Variants in AXIN2 observed in about 807,000 individuals in gnomAD.
AXIN2 encodes the protein axin 2.
In AXIN2, 21 loss-of-function variants were observed where a neutral mutation model predicts 74.7. The ratio of observed to expected loss-of-function variants is 0.28; its 90% CI spans 0.20 to 0.40. The LOEUF is 0.40. AXIN2 is among the 10% of genes least tolerant of loss of function. AXIN2 has a pLI of 1.00. For synonymous variants in AXIN2, 532 were observed against 454.9 expected (o/e 1.17, Z -2.16); for missense variants, 1,144 against 1,111.1 (o/e 1.03, Z -0.42).
chr17:65,534,851 AC>A (rs1286051721), intron 9 of AXIN2, among the ~76,000 whole-genome samples: 1 of 152,138 alleles, frequency 6.6e-6, no homozygotes, highest in Non-Finnish European at 1.5e-5. Flanking sequence ...AACTGCCTGA[AC>A]CCAGGAGGCG....
chr17:65,543,513 TA>T (rs1345810580), intron 3 of AXIN2, among the ~76,000 whole-genome samples: 1 of 152,192 alleles, frequency 6.6e-6, no homozygotes, highest in African/African-American at 2.4e-5. Context: ...ACATTGGACC[TA>T]TAATCAGACT....
Position 65,542,467 on chromosome 17 carries a change from A to G in AXIN2, c.957-910T>C, listed in dbSNP as rs1287676592. Among the ~76,000 whole-genome samples the G allele has an allele frequency of 2.0e-5, 3 of 152,258 alleles. No individual in the cohort carries two copies. In the East Asian group the frequency reaches 5.8e-4, roughly 29 times the overall value. Reference sequence around the variant, plus strand: ...ATAAATACACAGCAGGAAAAGGAGAATCACTGGTGAGTGGGTAAGCTGCAA... The same window carrying G: ...ATAAATACACAGCAGGAAAAGGAGAGTCACTGGTGAGTGGGTAAGCTGCAA... On this transcript the variant is annotated intron_variant, in intron 3 of 10. Coordinates refer to ENST00000307078, the MANE Select transcript of AXIN2 (RefSeq NM_004655.4).
Position 65,558,702 on chromosome 17 carries a change from TCTC to T in AXIN2, c.-85_-83del, listed in dbSNP as rs1449052543. ...GCAATCGGCGTGGTCTCTCTGTCTC[TCTC>T]AAGTCAGCAGGGGCTCATCTGAACC... is the stretch of plus-strand genomic sequence containing the variant. On this transcript the variant is annotated 5_prime_UTR_variant, in exon 2 of 11. Coordinates refer to ENST00000307078, the MANE Select transcript of AXIN2 (RefSeq NM_004655.4). The T allele has an allele frequency of 7.1e-7, 1 of 1,417,128 alleles. No homozygotes were observed. Among genetic ancestry groups the T allele is most frequent in the East Asian group, 2.5e-5 (1 of 40,814 alleles). 87.8% of individuals were successfully genotyped at this position (1,417,128 alleles called of 1,614,324 possible).
chr17:65,544,046 G>C (rs1428572312), intron 3 of AXIN2, among the ~76,000 whole-genome samples: 4 of 152,052 alleles, frequency 2.6e-5, no homozygotes, highest in Non-Finnish European at 5.9e-5. Context: ...GGATGACTCT[G>C]CTTCAGCCCT....
chr17:65,559,375 A>G (rs1298551312), intron 1 of AXIN2: 1 of 147,398 alleles, frequency 6.8e-6, no homozygotes, highest in African/African-American at 2.5e-5. Flanking sequence ...GGGCTCCCGG[A>G]CTCCCAGATT....
chr17:65,554,492 T>C (rs970193688), intron 2 of AXIN2, among the ~76,000 whole-genome samples: 6 of 152,180 alleles, frequency 3.9e-5, no homozygotes, highest in Non-Finnish European at 8.8e-5. Context: ...CAGGCAAACT[T>C]TTACAAGTGG....
In AXIN2 at chr17:65,529,950, A is replaced by G; in HGVS notation, c.*26T>C. The G allele has an allele frequency of 4.3e-6, 7 of 1,614,112 alleles. No homozygotes were observed. Among genetic ancestry groups the G allele is most frequent in the East Asian group, 2.2e-5 (1 of 44,878 alleles). ...GTTCACAAGAGCTTCGGGCTCCAAC[A>G]GTTCACCAAAGCCAGACCCCAGGGC... is the stretch of plus-strand genomic sequence containing the variant. On this transcript the variant is annotated 3_prime_UTR_variant, in exon 11 of 11. Coordinates refer to ENST00000307078, the MANE Select transcript of AXIN2 (RefSeq NM_004655.4).
At chr17:65,532,406 GTCTTT>G (rs1448086639) in intron 10 of AXIN2, among the ~76,000 whole-genome samples, 1 of 152,164 alleles carries the variant, frequency 6.6e-6, no homozygotes, top group African/African-American at 2.4e-5. Context: ...TTCACCTTGT[GTCTTT>G]TCAAGATAAA....
chr17:65,535,476 T>C (rs562536046), intron 9 of AXIN2, 150 bp downstream of exon 9: 151 of 776,938 alleles, frequency 1.9e-4, no homozygotes, highest in East Asian at 2.7e-5. Flanking sequence ...GATGGCAACA[T>C]CTACGTTTAC....
intron 2 of AXIN2, 130 bp downstream of exon 2, chr17:65,557,676 G>C: frequency 3.3e-6 from 3 of 907,470 alleles, no homozygotes; most frequent in Non-Finnish European, 5.1e-6. Context: ...GATCAAAAAG[G>C]GTTCATGGCC....
chr17:65,556,608 T>G (rs1350166074), intron 2 of AXIN2, among the ~76,000 whole-genome samples: 1 of 152,048 alleles, frequency 6.6e-6, no homozygotes, highest in African/African-American at 2.4e-5. Flanking sequence ...CTTCCTCTCC[T>G]CGCCAACAGT....
In AXIN2 at chr17:65,537,145, C is replaced by A; in HGVS notation, c.1713-82G>T. The A allele has an allele frequency of 1.9e-6, 3 of 1,562,006 alleles. No homozygotes were observed. The South Asian group carries it at 3.4e-5, about 18-fold the overall frequency. ...CCTAGAATCAGACAATTCAGCAAGT[C>A]GGGGGGCTGGTGACACGAAAGACCC... is the stretch of plus-strand genomic sequence containing the variant. On this transcript the variant is annotated intron_variant, in intron 6 of 10. Transcript: ENST00000307078.
At chr17:65,550,185 T>C (rs35725043) in intron 2 of AXIN2, among the ~76,000 whole-genome samples, 25,760 of 152,120 alleles carry the variant, frequency 0.17, 2,378 homozygotes, top group Middle Eastern at 0.26. Context: ...CCTTCTCACT[T>C]TGACCCTGGG....
intron 3 of AXIN2, among the ~76,000 whole-genome samples, chr17:65,544,195 C>A (rs1050118872): frequency 6.6e-5 from 10 of 152,094 alleles, no homozygotes; most frequent in Admixed American, 4.6e-4. Flanking sequence ...TGGTAGCTTT[C>A]ACTCTTCCTT....
chr17:65,559,209 G>T (rs1057029933), intron 1 of AXIN2, among the ~76,000 whole-genome samples: 1 of 151,834 alleles, frequency 6.6e-6, no homozygotes, highest in African/African-American at 2.4e-5. Context: ...TTCCCCACTC[G>T]GCCCTGCACA....
chr17:65,529,939 C>T lies in AXIN2; in HGVS notation c.*37G>A, dbSNP rs371426985. 9 of 1,613,804 alleles carry T rather than the reference C, an allele frequency of 5.6e-6. No homozygotes were observed. Among genetic ancestry groups the T allele is most frequent in the East Asian group, 2.2e-5 (1 of 44,874 alleles). On this transcript the variant is annotated 3_prime_UTR_variant, in exon 11 of 11. Transcript: ENST00000307078. ...CAGCCAAGACAGTTCACAAGAGCTTCGGGCTCCAACAGTTCACCAAAGCCA... is the reference window on the plus strand; with the variant it reads ...CAGCCAAGACAGTTCACAAGAGCTTTGGGCTCCAACAGTTCACCAAAGCCA...
At chr17:65,551,259 G>A (rs948646313) in intron 2 of AXIN2, among the ~76,000 whole-genome samples, 5 of 151,352 alleles carry the variant, frequency 3.3e-5, no homozygotes, top group African/African-American at 9.7e-5. Flanking sequence ...TGGGACTCAT[G>A]GTTGAGCAGG....
chr17:65,533,492 G>A (rs1279260498), intron 10 of AXIN2, among the ~76,000 whole-genome samples: 2 of 152,160 alleles, frequency 1.3e-5, no homozygotes, highest in Non-Finnish European at 2.9e-5. Flanking sequence ...GTAGGGCGGC[G>A]CTTCCAGACC....
chr17:65,536,595 C>T, intron 7 of AXIN2, 42 bp from the exon 8 acceptor site: 1 of 1,604,794 alleles, frequency 6.2e-7, no homozygotes, highest in East Asian at 2.2e-5. Context: ...AGGAAAGAAA[C>T]TGGGTTAGAA....
Sources: allele counts gnomAD v4.1 joint callset (sites outside exome capture counted in the v4.1 genomes callset), GRCh38; gene constraint gnomAD v4.1.1; transcripts MANE v1.5; gene names NCBI Gene and HGNC (gene_info 2026-07-23, HGNC 2026-07-21).